The following BOLL variants were observed in gnomAD, a reference collection of about 807,000 sequenced individuals.
BOLL encodes the protein boule RNA binding protein.
In BOLL, 23 loss-of-function variants were observed where a neutral mutation model predicts 44.4. The observed-to-expected ratio is 0.52, with a 90% CI of 0.37 to 0.73. The LOEUF (loss-of-function observed/expected upper bound fraction) is 0.73, where lower values mean the gene tolerates loss of function less well. Among genes scored for constraint, BOLL ranks in the 30% least tolerant of loss-of-function variants. The pLI is 0.00. For synonymous variants in BOLL, 97 were observed against 110.8 expected (o/e 0.88, Z 0.78); for missense variants, 287 against 338.3 (o/e 0.85, Z 1.19).
chr2:197,764,085 A>G (rs991201370), intron 7 of BOLL, among the ~76,000 whole-genome samples: 1 of 152,192 alleles, frequency 6.6e-6, no homozygotes, highest in African/African-American at 2.4e-5. Context: ...ATACACTGTT[A>G]CTAGGAATGC....
chr2:197,757,065 T>C (rs887212415), intron 8 of BOLL, among the ~76,000 whole-genome samples: 1 of 152,052 alleles, frequency 6.6e-6, no homozygotes, highest in Non-Finnish European at 1.5e-5. Context: ...ATAACACTAA[T>C]AGTAAAAAAG....
At chr2:197,749,720 G>A (rs1688149666) in intron 9 of BOLL, among the ~76,000 whole-genome samples, 1 of 152,096 alleles carries the variant, frequency 6.6e-6, no homozygotes, top group African/African-American at 2.4e-5. Flanking sequence ...AAGCCTTCAA[G>A]AAATATGGGA....
chr2:197,780,678 T>C (rs1175716429), intron 2 of BOLL, among the ~76,000 whole-genome samples: 2 of 152,068 alleles, frequency 1.3e-5, no homozygotes, highest in African/African-American at 4.8e-5. Flanking sequence ...AGTGTAACAT[T>C]TCTCTTGTGC....
chr2:197,753,241 T>C (rs893236560), intron 9 of BOLL, among the ~76,000 whole-genome samples: 1 of 152,096 alleles, frequency 6.6e-6, no homozygotes, highest in African/African-American at 2.4e-5. Flanking sequence ...GACATAGGCA[T>C]GACTAAAACA....
chr2:197,770,105 A>T (rs910876832), intron 6 of BOLL, among the ~76,000 whole-genome samples: 2 of 152,164 alleles, frequency 1.3e-5, no homozygotes, highest in African/African-American at 4.8e-5. Flanking sequence ...AAACTATACT[A>T]CAAGGCTACA....
intron 10 of BOLL, among the ~76,000 whole-genome samples, chr2:197,729,475 G>GGCCT (rs1441376667): frequency 6.6e-6 from 1 of 152,176 alleles, no homozygotes; most frequent in Non-Finnish European, 1.5e-5. Flanking sequence ...AGCTCAAGGA[G>GGCCT]GCCTGCCTGC....
chr2:197,746,811 G>T (rs1376077437), intron 9 of BOLL, among the ~76,000 whole-genome samples: 3 of 150,924 alleles, frequency 2.0e-5, no homozygotes, highest in Admixed American at 1.3e-4. Flanking sequence ...GGGACAGGGG[G>T]ATCGCTTGAA....
rs187716854 is a variant in BOLL at position 197,768,830 on chromosome 2, G to A, written c.481-2227C>T. 2.2e-3 allele frequency among the ~76,000 whole-genome samples: 323 copies of A among 149,238 alleles called. 1 individual carries two copies. The highest frequency in any genetic ancestry group is 7.5e-3 in the African/African-American group (302 of 40,388). ...AATAGCTCTTATTATTTTGAGATAC[G>A]TTCCATCAATACCTAGTTTATTGAG... is the stretch of plus-strand genomic sequence containing the variant. On this transcript the variant is annotated intron_variant, in intron 6 of 10. Transcript: ENST00000392296.
intron 10 of BOLL, among the ~76,000 whole-genome samples, chr2:197,740,279 A>C (rs1277943976): frequency 1.3e-5 from 2 of 152,154 alleles, no homozygotes; most frequent in East Asian, 3.8e-4. Flanking sequence ...GAAATAGCTA[A>C]TATCCATTAT....
In BOLL at chr2:197,745,968, A is replaced by G. The variant is rs552888792; in HGVS notation, c.730-2809T>C. On this transcript the variant is annotated intron_variant, in intron 9 of 10. Coordinates refer to ENST00000392296, the MANE Select transcript of BOLL (RefSeq NM_033030.6). ...TAATAATTAAGAATCCTGACTTAAC[A>G]GGGGAGGTAGAATTGATGGAGAAAT... Among the ~76,000 whole-genome samples the G allele has an allele frequency of 7.9e-5, 12 of 152,326 alleles. No individual in the cohort carries two copies. In the South Asian group the frequency reaches 2.5e-3, roughly 32 times the overall value.
At position 197,779,567 on chromosome 2, in the gene BOLL, T is replaced by C. The variant is rs1237748923; in HGVS notation, c.130-501A>G. On this transcript the variant is annotated intron_variant, in intron 2 of 10. Transcript: ENST00000392296. ...AAAGGAATGTATTTCCAAAAGTGCT[T>C]GAACTCAACTGTGAGAACAATGGAG... Among the ~76,000 whole-genome samples the C allele has an allele frequency of 2.6e-5, 4 of 152,096 alleles. No individual in the cohort carries two copies. In the East Asian group the frequency reaches 7.7e-4, roughly 29 times the overall value.
At chr2:197,778,557 T>C (rs1406147186) in intron 3 of BOLL, among the ~76,000 whole-genome samples, 3 of 151,770 alleles carry the variant, frequency 2.0e-5, no homozygotes, top group African/African-American at 2.4e-5. Flanking sequence ...GGTCCCCTAA[T>C]TAGGTCTCTG....
intron 10 of BOLL, among the ~76,000 whole-genome samples, chr2:197,730,224 T>C (rs1324883660): frequency 7.6e-6 from 1 of 132,198 alleles, no homozygotes; most frequent in Non-Finnish European, 1.6e-5. Flanking sequence ...CGATGGAAGA[T>C]GAAATGAATG....
intron 4 of BOLL, among the ~76,000 whole-genome samples, chr2:197,776,460 G>A (rs1360098447): frequency 6.6e-6 from 1 of 151,844 alleles, no homozygotes; most frequent in Admixed American, 6.6e-5. Context: ...GTGACCAGAG[G>A]TTCTTGGGAA....
At chr2:197,776,154 T>C (rs965804223) in intron 4 of BOLL, among the ~76,000 whole-genome samples, 4 of 151,976 alleles carry the variant, frequency 2.6e-5, no homozygotes, top group Non-Finnish European at 4.4e-5. Context: ...GTGCTCATAC[T>C]CTAAGAGAGA....
At chr2:197,755,915 T>A (rs1379917419) in intron 9 of BOLL, 1 of 152,110 alleles carries the variant, frequency 6.6e-6, no homozygotes, top group Non-Finnish European at 1.5e-5. Flanking sequence ...ATAAAAAATA[T>A]AAAATAAAAC....
chr2:197,763,783 C>T (rs1276694940), intron 7 of BOLL, among the ~76,000 whole-genome samples: 1 of 152,122 alleles, frequency 6.6e-6, no homozygotes, highest in African/African-American at 2.4e-5. Flanking sequence ...CTGTAAACTA[C>T]TTATCTGACA....
rs149921275 is a variant in BOLL, at chr2:197,771,927, A to T, written c.408T>A (p.Tyr136Ter). 6.3e-7 allele frequency: 1 copy of T among 1,597,976 alleles called. No homozygotes were observed. The highest frequency in any genetic ancestry group is 2.2e-5 in the East Asian group (1 of 44,464). The change falls in exon 6 of 11, where the codon TAT (tyrosine) becomes TAA (stop). Residue 136 changes from tyrosine (Y) to a stop codon, truncating the protein, a stop_gained. Transcript: ENST00000392296. LOFTEE classifies it high-confidence loss of function. ...CAACACCATTATGGTAAGTATAAGG[A>T]TATCCAGTTGAAGTTGTTAGATACA... is the stretch of plus-strand genomic sequence containing the variant. The part of the protein sequence containing the change: ...GTMYLTTSTG[Y>*]PYTYHNGVAY...
intron 3 of BOLL, among the ~76,000 whole-genome samples, chr2:197,778,229 G>A (rs1307480925): frequency 6.6e-6 from 1 of 151,824 alleles, no homozygotes; most frequent in African/African-American, 2.4e-5. Context: ...GTCGAATGTT[G>A]TTTCTCACCA....
Sources: allele counts gnomAD v4.1 joint callset (sites outside exome capture counted in the v4.1 genomes callset), GRCh38; gene constraint gnomAD v4.1.1; transcripts MANE v1.5; gene names NCBI Gene and HGNC (gene_info 2026-07-23, HGNC 2026-07-21).